The following SORCS1 variants were observed in gnomAD, a reference collection of about 807,000 sequenced individuals.
The protein encoded by SORCS1 is VPS10 domain-containing receptor SorCS1.
Under a neutral mutation model 146.1 loss-of-function variants are expected in SORCS1, and 60 were observed. The ratio of observed to expected loss-of-function variants is 0.41; its 90% CI spans 0.33 to 0.51. The LOEUF is 0.51. Among genes scored for constraint, SORCS1 ranks in the 20% least tolerant of loss-of-function variants. The probability of loss-of-function intolerance (pLI) is 0.21; values close to 1 mark genes in which losing one functional copy is unlikely to be tolerated. For synonymous variants in SORCS1, 637 were observed against 584.0 expected (o/e 1.09, Z -1.31); for missense variants, 1,352 against 1,487.6 (o/e 0.91, Z 1.50).
At chr10:106,676,681 C>G (rs1852053506) in intron 13 of SORCS1, among the ~76,000 whole-genome samples, 1 of 152,130 alleles carries the variant, frequency 6.6e-6, no homozygotes, top group African/African-American at 2.4e-5. Context: ...CTCCACTGTT[C>G]TAGTAGACCT....
At chr10:107,021,562 C>T (rs980229672) in intron 1 of SORCS1, among the ~76,000 whole-genome samples, 1 of 150,204 alleles carries the variant, frequency 6.7e-6, no homozygotes, top group African/African-American at 2.4e-5. Context: ...CATATTTATC[C>T]CAACCCCTCC....
chr10:106,640,184 A>T (rs933241451), intron 18 of SORCS1, among the ~76,000 whole-genome samples: 1 of 152,220 alleles, frequency 6.6e-6, no homozygotes, highest in African/African-American at 2.4e-5. Flanking sequence ...TTTTATCAAC[A>T]GCCATCTTCT....
In SORCS1 at chr10:107,034,680, C is replaced by CAAAAAAAAAAAAAAAAAAAAAA. The variant is rs553032484; in HGVS notation, c.559-78122_559-78101dup. Among the ~76,000 whole-genome samples, 13 of 13,794 alleles carry CAAAAAAAAAAAAAAAAAAAAAA rather than the reference C, an allele frequency of 9.4e-4. 1 individual carries two copies. The highest frequency in any genetic ancestry group is 1.8e-3 in the Admixed American group (1 of 564). The allele number at this position is 13,794 out of a possible 152,430, so 9.0% of individuals were successfully genotyped here. On this transcript the variant is annotated intron_variant, in intron 1 of 25. Transcript: ENST00000263054. ...GGGAAACATGAGCGAAACTCCATCTCAAAAAAAAAAAAAAAAAAAAAAAAA... is the reference window on the plus strand; with the variant it reads ...GGGAAACATGAGCGAAACTCCATCTCAAAAAAAAAAAAAAAAAAAAAAAAAAAAAAAAAAAAAAAAAAAAAAA...
chr10:106,609,787 C>G (rs1846852707), intron 22 of SORCS1, among the ~76,000 whole-genome samples: 1 of 152,152 alleles, frequency 6.6e-6, no homozygotes, highest in African/African-American at 2.4e-5. Flanking sequence ...GGTGGAGGTA[C>G]AGGGCATCTG....
At chr10:106,833,816 C>T (rs1254019087) in intron 2 of SORCS1, among the ~76,000 whole-genome samples, 7 of 151,866 alleles carry the variant, frequency 4.6e-5, no homozygotes, top group Non-Finnish European at 8.8e-5. Context: ...TATTTTGAGA[C>T]GGAGTCTCGC....
At chr10:106,739,092 A>T (rs2756254) in intron 5 of SORCS1, among the ~76,000 whole-genome samples, 144,260 of 152,108 alleles carry the variant, frequency 0.95, 68,615 homozygotes, top group Non-Finnish European at 0.99. Context: ...ATAAGAGACC[A>T]AGCAAAGAAA....
chr10:106,638,699 G>A (rs1442124369), intron 18 of SORCS1, among the ~76,000 whole-genome samples: 1 of 152,072 alleles, frequency 6.6e-6, no homozygotes, highest in Non-Finnish European at 1.5e-5. Context: ...TTCTTGCCCT[G>A]GAAGTCACTT....
At chr10:106,805,973 T>C (rs1278388259) in intron 3 of SORCS1, among the ~76,000 whole-genome samples, 1 of 147,420 alleles carries the variant, frequency 6.8e-6, no homozygotes, top group Non-Finnish European at 1.5e-5. Context: ...GGCACGAGAA[T>C]GGCGTGAACC....
intron 5 of SORCS1, among the ~76,000 whole-genome samples, chr10:106,743,468 G>A (rs1857499513): frequency 6.6e-6 from 1 of 152,146 alleles, no homozygotes; most frequent in African/African-American, 2.4e-5. Context: ...CACCCAGGCT[G>A]GAGTGCAGAG....
At chr10:107,083,398 G>A (rs1039119504) in intron 1 of SORCS1, among the ~76,000 whole-genome samples, 3 of 152,042 alleles carry the variant, frequency 2.0e-5, no homozygotes, top group East Asian at 1.9e-4. Flanking sequence ...TTTTCCATTC[G>A]ATTTTCAAAT....
chr10:107,118,509 A>G (rs955056188), intron 1 of SORCS1, among the ~76,000 whole-genome samples: 24 of 152,154 alleles, frequency 1.6e-4, no homozygotes, highest in Admixed American at 2.6e-4. Flanking sequence ...TTTTTCCTCC[A>G]CTGATTTATC....
At chr10:106,863,053 T>C (rs1317273661) in intron 2 of SORCS1, among the ~76,000 whole-genome samples, 1 of 151,988 alleles carries the variant, frequency 6.6e-6, no homozygotes, top group Admixed American at 6.6e-5. Flanking sequence ...ATAATATTTC[T>C]TTAGAAGTTG....
At chr10:106,961,811 A>G (rs1307867928) in intron 1 of SORCS1, among the ~76,000 whole-genome samples, 2 of 152,226 alleles carry the variant, frequency 1.3e-5, no homozygotes, top group Non-Finnish European at 2.9e-5. Context: ...GCAAGTTATT[A>G]AAAGTGGGTA....
At chr10:106,947,835 T>C (rs1262472884) in intron 2 of SORCS1, among the ~76,000 whole-genome samples, 1 of 146,226 alleles carries the variant, frequency 6.8e-6, no homozygotes, top group Non-Finnish European at 1.5e-5. Flanking sequence ...TGAAACTCCA[T>C]CTCAAAAAAA....
At chr10:107,159,424 G>A (rs573595598) in intron 1 of SORCS1, among the ~76,000 whole-genome samples, 4 of 152,152 alleles carry the variant, frequency 2.6e-5, no homozygotes, top group African/African-American at 7.2e-5. Flanking sequence ...CTATGACTAC[G>A]TATCTAATTT....
upstream of SORCS1, among the ~76,000 whole-genome samples, chr10:107,169,659 T>G (rs1970116460): frequency 6.6e-6 from 1 of 152,194 alleles, no homozygotes; most frequent in Non-Finnish European, 1.5e-5. Flanking sequence ...TTCCCCCTAG[T>G]TTAATAAATC....
At chr10:106,622,898 C>CTAT (rs544540604) in intron 19 of SORCS1, among the ~76,000 whole-genome samples, 125 of 152,294 alleles carry the variant, frequency 8.2e-4, no homozygotes, top group Non-Finnish European at 1.5e-3. Flanking sequence ...AACAAAATAG[C>CTAT]TATTAAGAGT....
intron 1 of SORCS1, among the ~76,000 whole-genome samples, chr10:106,961,229 C>A (rs930373362): frequency 1.3e-5 from 2 of 152,180 alleles, no homozygotes; most frequent in South Asian, 2.1e-4. Flanking sequence ...AATGAACTAA[C>A]CTGCCAGCAG....
At chr10:106,612,466 C>T (rs968773971) in intron 21 of SORCS1, among the ~76,000 whole-genome samples, 1 of 143,014 alleles carries the variant, frequency 7.0e-6, no homozygotes, top group Non-Finnish European at 1.5e-5. Flanking sequence ...TTGCATAGGG[C>T]TTAGGGATTG....
Sources: allele counts gnomAD v4.1 joint callset (sites outside exome capture counted in the v4.1 genomes callset), GRCh38; gene constraint gnomAD v4.1.1; transcripts MANE v1.5; gene names NCBI Gene and HGNC (gene_info 2026-07-23, HGNC 2026-07-21).